The following COL15A1 variants were observed in gnomAD, a reference collection of about 807,000 sequenced individuals.
COL15A1 encodes collagen type XV alpha 1 chain, also known as collagen alpha-1(XV) chain.
In COL15A1, 111 loss-of-function variants were observed where a neutral mutation model predicts 165.9. The observed-to-expected ratio is 0.67, with a 90% CI of 0.57 to 0.78. The LOEUF (loss-of-function observed/expected upper bound fraction) is 0.78, where lower values mean the gene tolerates loss of function less well. Among genes scored for constraint, COL15A1 ranks in the 30% least tolerant of loss-of-function variants. The pLI is 0.00. For missense variants in COL15A1, 1,745 were observed against 1,789.7 expected, an observed-to-expected ratio of 0.98 and a Z score of 0.45; for synonymous variants, 659 against 674.8, an observed-to-expected ratio of 0.98 and a Z score of 0.36.
rs919715737 is a variant in COL15A1, at chr9:99,040,380, C to T, written c.2476-141C>T. 2.9e-6 allele frequency: 4 copies of T among 1,378,514 alleles called. No individual in the cohort carries two copies. The African/African-American group carries it at 5.7e-5, about 20-fold the overall frequency. The allele number at this position is 1,378,514 out of a possible 1,614,324, so 85.4% of individuals were successfully genotyped here. ...AATCCAGACCCTCACAGGGCCCCTT[C>T]TTCCCTAATGCTGTGTCAATCCGTC... On this transcript the variant is annotated intron_variant, in intron 22 of 41. Coordinates refer to ENST00000375001, the MANE Select transcript of COL15A1 (RefSeq NM_001855.5).
Position 99,049,771 on chromosome 9 carries a change from G to A in COL15A1, c.2862+13G>A, listed in dbSNP as rs113454924. ...TAACATCAAAGGAGTAAGTTGGCAC[G>A]CAGTGGGAAGACCTTCCCGATTGGC... On this transcript the variant is annotated intron_variant, in intron 29 of 41. Coordinates refer to ENST00000375001, the MANE Select transcript of COL15A1 (RefSeq NM_001855.5). 6.2e-3 allele frequency: 9,944 copies of A among 1,614,176 alleles called. 556 individuals carry two copies. In the African/African-American group the frequency reaches 0.12, roughly 20 times the overall value.
chr9:99,067,591 G>A lies in COL15A1; in HGVS notation c.3837+524G>A, dbSNP rs117789090. 4.7e-3 allele frequency among the ~76,000 whole-genome samples: 720 copies of A among 152,318 alleles called. 10 individuals are homozygous for A. Among genetic ancestry groups the A allele is most frequent in the Non-Finnish European group, 8.8e-3 (600 of 68,018 alleles). On this transcript the variant is annotated intron_variant, in intron 40 of 41. Coordinates refer to ENST00000375001, the MANE Select transcript of COL15A1 (RefSeq NM_001855.5). ...TAGCAGACTCTTTCAAGGCTATGCA[G>A]AGAAACCTCGTTGCCACTCACATAC...
At chr9:99,015,328 C>CT in intron 9 of COL15A1, 89 bp from the exon 10 acceptor site, 1 of 846,242 alleles carries the variant, frequency 1.2e-6, no homozygotes, top group Non-Finnish European at 2.0e-6. Context: ...TTATCTGAGG[C>CT]TTTAGCGCTT....
At chr9:98,987,167 C>A in intron 3 of COL15A1, 127 bp from the exon 4 acceptor site, 3 of 874,742 alleles carry the variant, frequency 3.4e-6, no homozygotes, top group Non-Finnish European at 3.6e-6. Context: ...GTTGAGACTG[C>A]AGGCTGTACA....
chr9:98,988,476 C>T (rs1419449282), intron 4 of COL15A1, among the ~76,000 whole-genome samples: 3 of 152,198 alleles, frequency 2.0e-5, no homozygotes, highest in African/African-American at 4.8e-5. Flanking sequence ...AGTCATGCTT[C>T]GGCTGTAATT....
intron 14 of COL15A1, 82 bp downstream of exon 14, chr9:99,023,531 C>G: frequency 1.4e-6 from 1 of 702,990 alleles, no homozygotes; most frequent in African/African-American, 1.7e-5. Flanking sequence ...GGGCCAGGGA[C>G]AGATGAAACT....
intron 39 of COL15A1, 110 bp from the exon 40 acceptor site, chr9:99,066,772 C>T (rs532998490): frequency 4.9e-5 from 46 of 942,508 alleles, no homozygotes; most frequent in African/African-American, 1.5e-4. Context: ...TGACCTCCAA[C>T]GTGCCTTCCA....
At chr9:99,005,186 G>A (rs1838737884) in intron 9 of COL15A1, 136 bp downstream of exon 9, 1 of 938,426 alleles carries the variant, frequency 1.1e-6, no homozygotes, top group Non-Finnish European at 1.5e-6. Flanking sequence ...CTCACTTGGG[G>A]GTGGAGTTTG....
intron 2 of COL15A1, among the ~76,000 whole-genome samples, chr9:98,957,413 T>A (rs1202011523): frequency 6.6e-6 from 1 of 152,184 alleles, no homozygotes; most frequent in East Asian, 1.9e-4. Context: ...CCTCCAGAAC[T>A]GTAAGATAAA....
chr9:98,989,327 G>A, intron 5 of COL15A1, 69 bp downstream of exon 5: 1 of 1,281,926 alleles, frequency 7.8e-7, no homozygotes, highest in Admixed American at 1.8e-5. Context: ...ACTAGAGGGG[G>A]CCCAGAGTCC....
At chr9:99,046,269 G>A (rs112554893) in intron 26 of COL15A1, among the ~76,000 whole-genome samples, 22 of 152,268 alleles carry the variant, frequency 1.4e-4, no homozygotes, top group African/African-American at 4.8e-4. Context: ...AGCTTATAAC[G>A]CCTTCTCAAA....
intron 2 of COL15A1, among the ~76,000 whole-genome samples, chr9:98,962,222 C>T (rs528541993): frequency 1.5e-4 from 23 of 152,286 alleles, no homozygotes; most frequent in South Asian, 1.0e-3. Context: ...AACAGAAATG[C>T]GGTTTGGGGA....
intron 35 of COL15A1, 114 bp from the exon 36 acceptor site, chr9:99,059,775 C>G (rs989991062): frequency 2.6e-6 from 3 of 1,163,280 alleles, no homozygotes; most frequent in Non-Finnish European, 3.7e-6. Flanking sequence ...AGTTGGGATG[C>G]TTTGTGGCGC....
intron 2 of COL15A1, among the ~76,000 whole-genome samples, chr9:98,951,622 T>G (rs1238762635): frequency 2.6e-5 from 4 of 152,188 alleles, no homozygotes; most frequent in Non-Finnish European, 5.9e-5. Flanking sequence ...TGTAGTGCAG[T>G]GGTACAATCT....
intron 2 of COL15A1, among the ~76,000 whole-genome samples, chr9:98,970,043 T>TA (rs5899366): frequency 0.023 from 3,146 of 139,502 alleles, 63 homozygotes; most frequent in African/African-American, 0.057. Flanking sequence ...ATTAGTAGTT[T>TA]AAAAAAAAAA....
chr9:98,991,875 C>G (rs1350183885), intron 5 of COL15A1, among the ~76,000 whole-genome samples: 1 of 151,906 alleles, frequency 6.6e-6, no homozygotes, highest in East Asian at 1.9e-4. Flanking sequence ...TATTTACAAT[C>G]CTTTAGCTAG....
At chr9:99,064,070 A>G (rs1269644398) in intron 39 of COL15A1, among the ~76,000 whole-genome samples, 1 of 152,092 alleles carries the variant, frequency 6.6e-6, no homozygotes, top group Non-Finnish European at 1.5e-5. Flanking sequence ...TGCTCTCTCT[A>G]TAGACCACCT....
intron 39 of COL15A1, among the ~76,000 whole-genome samples, chr9:99,063,978 T>C (rs1461112129): frequency 2.0e-5 from 3 of 152,086 alleles, no homozygotes; most frequent in Non-Finnish European, 4.4e-5. Flanking sequence ...AAGATCTCGT[T>C]TAAATCAGCA....
At chr9:98,953,229 G>C (rs538815202) in intron 2 of COL15A1, among the ~76,000 whole-genome samples, 1 of 152,314 alleles carries the variant, frequency 6.6e-6, no homozygotes, top group Non-Finnish European at 1.5e-5. Context: ...AAAGTGCCCA[G>C]GGGAGCTAAG....
Sources: allele counts gnomAD v4.1 joint callset (sites outside exome capture counted in the v4.1 genomes callset), GRCh38; gene constraint gnomAD v4.1.1; transcripts MANE v1.5; gene names NCBI Gene and HGNC (gene_info 2026-07-23, HGNC 2026-07-21).